Variants in CADM2 observed in about 807,000 individuals in gnomAD.
CADM2 encodes the protein cell adhesion molecule 2.
In CADM2, 12 loss-of-function variants were observed where a neutral mutation model predicts 49.8. The observed-to-expected ratio is 0.24, with a 90% CI of 0.15 to 0.39. The LOEUF is 0.39. CADM2 is among the 10% of genes least tolerant of loss of function. The pLI, the probability that CADM2 is intolerant of heterozygous loss-of-function variation, is 1.00. For synonymous variants in CADM2, 214 were observed against 175.4 expected (o/e 1.22, Z -1.74); for missense variants, 378 against 492.3 (o/e 0.77, Z 2.20).
intron 8 of CADM2, among the ~76,000 whole-genome samples, chr3:85,971,044 A>C (rs767774824): frequency 4.1e-4 from 62 of 151,564 alleles, no homozygotes; most frequent in Non-Finnish European, 8.0e-4. Flanking sequence ...TTACTGCAAA[A>C]AGTGATTTTT....
chr3:85,604,421 G>A (rs183220093), intron 1 of CADM2, among the ~76,000 whole-genome samples: 2 of 152,016 alleles, frequency 1.3e-5, no homozygotes, highest in Admixed American at 1.3e-4. Flanking sequence ...ACTACAAGTA[G>A]CAAATGTGAA....
At chr3:85,960,374 A>G (rs1419990946) in intron 7 of CADM2, among the ~76,000 whole-genome samples, 2 of 151,936 alleles carry the variant, frequency 1.3e-5, no homozygotes, top group African/African-American at 4.8e-5. Context: ...CTTTTGAGAA[A>G]ATGATTCCAT....
At chr3:85,644,524 C>A (rs909586575) in intron 1 of CADM2, among the ~76,000 whole-genome samples, 1 of 152,080 alleles carries the variant, frequency 6.6e-6, no homozygotes, top group Non-Finnish European at 1.5e-5. Flanking sequence ...ACTTTCTGCC[C>A]GGTTACTTTC....
intron 1 of CADM2, among the ~76,000 whole-genome samples, chr3:85,724,476 A>T (rs1167168979): frequency 1.3e-5 from 2 of 151,932 alleles, no homozygotes; most frequent in East Asian, 1.9e-4. Context: ...TTAGCAAAAA[A>T]AAAACAGAAT....
chr3:85,319,780 A>AG (rs2044555315), intron 1 of CADM2, among the ~76,000 whole-genome samples: 1 of 152,106 alleles, frequency 6.6e-6, no homozygotes, highest in Non-Finnish European at 1.5e-5. Context: ...TTGAGAGTGG[A>AG]GGGGGACAGG....
intron 1 of CADM2, among the ~76,000 whole-genome samples, chr3:85,372,675 A>G (rs1303187000): frequency 6.6e-6 from 1 of 152,100 alleles, no homozygotes; most frequent in Non-Finnish European, 1.5e-5. Flanking sequence ...TCATACTGCT[A>G]TGAAAAAATA....
rs541066002 is a variant in CADM2, at chr3:85,955,661, C to T, written c.792-5808C>T. Among the ~76,000 whole-genome samples, 5 of 151,520 alleles carry T rather than the reference C, an allele frequency of 3.3e-5. No homozygotes were observed. In the East Asian group the frequency reaches 9.8e-4, roughly 30 times the overall value. On this transcript the variant is annotated intron_variant, in intron 7 of 9. Transcript: ENST00000383699. ...AAGAATTTCACTGAAAATTAGTAATCAGGTTTGTATCTGGTTCAAAATATT... is the reference window on the plus strand; with the variant it reads ...AAGAATTTCACTGAAAATTAGTAATTAGGTTTGTATCTGGTTCAAAATATT...
intron 1 of CADM2, among the ~76,000 whole-genome samples, chr3:84,966,241 G>A (rs920240044): frequency 6.6e-6 from 1 of 152,084 alleles, no homozygotes; most frequent in African/African-American, 2.4e-5. Flanking sequence ...GTCAAAATCA[G>A]AGATGTAATT....
Position 85,344,254 on chromosome 3 carries a change from A to G in CADM2, c.62-382268A>G, listed in dbSNP as rs1200990434. ...AAATTAGCTGGGCGTGGTGGCAGGC[A>G]CCTGTAGTCCCAGCTACTTGGGAGG... On this transcript the variant is annotated intron_variant, in intron 1 of 9. Coordinates refer to ENST00000383699, the MANE Select transcript of CADM2 (RefSeq NM_001167675.2). Among the ~76,000 whole-genome samples, 3 of 151,620 alleles carry G rather than the reference A, an allele frequency of 2.0e-5. No individual in the cohort carries two copies. In the South Asian group the frequency reaches 6.2e-4, roughly 31 times the overall value.
At chr3:85,332,397 C>G (rs1450546426) in intron 1 of CADM2, among the ~76,000 whole-genome samples, 1 of 151,840 alleles carries the variant, frequency 6.6e-6, no homozygotes, top group East Asian at 1.9e-4. Flanking sequence ...GAGATCAGAG[C>G]TTATTAAAAG....
intron 1 of CADM2, among the ~76,000 whole-genome samples, chr3:85,420,809 T>C (rs893439781): frequency 6.6e-6 from 1 of 152,206 alleles, no homozygotes; most frequent in Admixed American, 6.5e-5. Context: ...ACTTTTTCAA[T>C]TCATAAGAGC....
At chr3:85,067,579 G>A (rs1009259337) in intron 1 of CADM2, among the ~76,000 whole-genome samples, 11 of 152,014 alleles carry the variant, frequency 7.2e-5, no homozygotes, top group Non-Finnish European at 1.5e-4. Context: ...TTTATTTTAG[G>A]TAACTATTGT....
chr3:85,580,390 G>T (rs2062761240), intron 1 of CADM2, among the ~76,000 whole-genome samples: 1 of 152,106 alleles, frequency 6.6e-6, no homozygotes, highest in Non-Finnish European at 1.5e-5. Flanking sequence ...AGAAACTGTG[G>T]GTGGTAGTTT....
chr3:85,137,999 T>C (rs2039466620), intron 1 of CADM2, among the ~76,000 whole-genome samples: 1 of 152,148 alleles, frequency 6.6e-6, no homozygotes, highest in Non-Finnish European at 1.5e-5. Flanking sequence ...AGAAATAGAT[T>C]GAAATAGATG....
chr3:85,131,817 A>G (rs2039237341), intron 1 of CADM2, among the ~76,000 whole-genome samples: 1 of 152,072 alleles, frequency 6.6e-6, no homozygotes, highest in Non-Finnish European at 1.5e-5. Flanking sequence ...AAAGTCACAT[A>G]CACTACGATA....
At chr3:85,259,019 C>T (rs546854921) in intron 1 of CADM2, among the ~76,000 whole-genome samples, 12 of 152,078 alleles carry the variant, frequency 7.9e-5, no homozygotes, top group African/African-American at 1.4e-4. Flanking sequence ...TGAGGACTGG[C>T]GTAAAGAAAG....
chr3:85,269,296 G>T (rs183759125), intron 1 of CADM2, among the ~76,000 whole-genome samples: 1 of 151,418 alleles, frequency 6.6e-6, no homozygotes, highest in Admixed American at 6.6e-5. Context: ...CATTTACACT[G>T]TGACTTTGAT....
intron 6 of CADM2, among the ~76,000 whole-genome samples, chr3:85,920,262 C>T (rs1473224904): frequency 6.6e-6 from 1 of 151,612 alleles, no homozygotes. Flanking sequence ...ATCTTGTCTA[C>T]CACAAATTAT....
At chr3:85,228,743 A>G (rs1287003044) in intron 1 of CADM2, among the ~76,000 whole-genome samples, 1 of 151,926 alleles carries the variant, frequency 6.6e-6, no homozygotes, top group African/African-American at 2.4e-5. Flanking sequence ...GCTCTCCTGT[A>G]TGAGGTGTCT....
Sources: allele counts gnomAD v4.1 joint callset (sites outside exome capture counted in the v4.1 genomes callset), GRCh38; gene constraint gnomAD v4.1.1; transcripts MANE v1.5; gene names NCBI Gene and HGNC (gene_info 2026-07-23, HGNC 2026-07-21).